WWOX: variants seen among roughly 807,000 people sequenced by gnomAD.
The protein encoded by WWOX is WW domain containing oxidoreductase.
WWOX carries 69 observed loss-of-function variants against 46.2 expected under a neutral mutation model. The ratio of observed to expected loss-of-function variants is 1.49; its 90% confidence interval spans 1.23 to 1.82. The LOEUF (loss-of-function observed/expected upper bound fraction) is 1.82. WWOX is among the 40% of genes most tolerant of loss of function. The probability of loss-of-function intolerance (pLI) is 0.00; values close to 1 mark genes in which losing one functional copy is unlikely to be tolerated. For synonymous variants in WWOX, 359 were observed against 202.6 expected, an observed-to-expected ratio of 1.77 and a Z score of -6.56; for missense variants, 919 against 542.6, an observed-to-expected ratio of 1.69 and a Z score of -6.89.
chr16:78,467,299 C>A (rs1454852689), intron 8 of WWOX, among the ~76,000 whole-genome samples: 1 of 152,028 alleles, frequency 6.6e-6, no homozygotes, highest in African/African-American at 2.4e-5. Flanking sequence ...GATGTATATA[C>A]CCATATACAC....
At chr16:79,050,873 G>A (rs1409571176) in intron 8 of WWOX, among the ~76,000 whole-genome samples, 1 of 152,196 alleles carries the variant, frequency 6.6e-6, no homozygotes, top group Non-Finnish European at 1.5e-5. Flanking sequence ...CAGGTGAGCT[G>A]ACAGTTATCC....
chr16:79,070,529 T>G (rs996737049), intron 8 of WWOX, among the ~76,000 whole-genome samples: 8 of 152,120 alleles, frequency 5.3e-5, no homozygotes, highest in Non-Finnish European at 1.2e-4. Flanking sequence ...CTATCATGAT[T>G]GTACACAGAT....
At position 78,927,091 on chromosome 16, in the gene WWOX, C is replaced by G. The variant is rs192081685; in HGVS notation, c.1057-284517C>G. ...AATTATAGGCATGAGCCACCATGCCCTGCCCAGGCACCATTCTTGACTGCG... is the reference window on the plus strand; with the variant it reads ...AATTATAGGCATGAGCCACCATGCCGTGCCCAGGCACCATTCTTGACTGCG... On this transcript the variant is annotated intron_variant, in intron 8 of 8. Transcript: ENST00000566780. Among the ~76,000 whole-genome samples the G allele has an allele frequency of 5.2e-3, 794 of 152,348 alleles. 8 individuals are homozygous for G. The highest frequency in any genetic ancestry group is 0.018 in the African/African-American group (764 of 41,578).
At chr16:78,504,391 C>G (rs892991500) in intron 8 of WWOX, among the ~76,000 whole-genome samples, 3 of 152,166 alleles carry the variant, frequency 2.0e-5, no homozygotes, top group Admixed American at 6.5e-5. Context: ...TTGTTATGAA[C>G]CAACATTTAT....
intron 8 of WWOX, among the ~76,000 whole-genome samples, chr16:78,846,399 C>T (rs1314983535): frequency 6.6e-6 from 1 of 152,094 alleles, no homozygotes; most frequent in Non-Finnish European, 1.5e-5. Flanking sequence ...TCTCTCCAGT[C>T]CCCTCTGGTC....
At chr16:78,651,084 G>A (rs368150978) in intron 8 of WWOX, among the ~76,000 whole-genome samples, 5 of 152,196 alleles carry the variant, frequency 3.3e-5, no homozygotes, top group Non-Finnish European at 5.9e-5. Context: ...TTGTATTCAC[G>A]AGGAGGTTAG....
At chr16:78,486,708 G>A (rs991658317) in intron 8 of WWOX, among the ~76,000 whole-genome samples, 3 of 152,152 alleles carry the variant, frequency 2.0e-5, no homozygotes, top group South Asian at 2.1e-4. Flanking sequence ...CGCGTAGCTG[G>A]GATTACAGGT....
intron 8 of WWOX, among the ~76,000 whole-genome samples, chr16:78,477,635 TAATA>T (rs1332417321): frequency 6.6e-6 from 1 of 152,186 alleles, no homozygotes; most frequent in African/African-American, 2.4e-5. Context: ...ATTTGATAAT[TAATA>T]GTGAAATCAT....
At position 78,557,899 on chromosome 16, in the gene WWOX, G is replaced by C. The variant is rs547924100; in HGVS notation, c.1056+125147G>C. ...TTTAGTAGAAACAGTGTTTCACCAG[G>C]TTGGCCAGGCTGCTCTCGAACTCCT... is the stretch of plus-strand genomic sequence containing the variant. On this transcript the variant is annotated intron_variant, in intron 8 of 8. Coordinates refer to ENST00000566780, the MANE Select transcript of WWOX (RefSeq NM_016373.4). 2.6e-5 allele frequency among the ~76,000 whole-genome samples: 4 copies of C among 152,026 alleles called. No homozygotes were observed. The South Asian group carries it at 8.3e-4, about 32-fold the overall frequency.
chr16:78,130,684 T>C (rs1002592748), intron 4 of WWOX, among the ~76,000 whole-genome samples: 1 of 152,224 alleles, frequency 6.6e-6, no homozygotes, highest in Admixed American at 6.5e-5. Flanking sequence ...TGTGTGATGA[T>C]ATTGGACTCA....
rs577867450 is a variant in WWOX, at chr16:78,637,601, G to A, written c.1056+204849G>A. 5.3e-5 allele frequency among the ~76,000 whole-genome samples: 8 copies of A among 152,276 alleles called. No homozygotes were observed. In the South Asian group the frequency reaches 1.7e-3, roughly 32 times the overall value. On this transcript the variant is annotated intron_variant, in intron 8 of 8. Coordinates refer to ENST00000566780, the MANE Select transcript of WWOX (RefSeq NM_016373.4). ...ACTACATCCCCTTTCCTTACTCACT[G>A]ACATCATTCCCAGATCAAAGAAAGA...
chr16:78,545,391 T>A (rs539126987), intron 8 of WWOX, among the ~76,000 whole-genome samples: 1 of 152,226 alleles, frequency 6.6e-6, no homozygotes, highest in African/African-American at 2.4e-5. Flanking sequence ...AAAAAAAAAA[T>A]TCTTTTTAAA....
intron 8 of WWOX, among the ~76,000 whole-genome samples, chr16:79,069,346 A>G (rs2048505102): frequency 6.6e-6 from 1 of 152,246 alleles, no homozygotes; most frequent in Admixed American, 6.5e-5. Context: ...TTCCAGCAAA[A>G]GAGCCCAGTG....
At position 78,938,467 on chromosome 16, in the gene WWOX, G is replaced by C. The variant is rs537789513; in HGVS notation, c.1057-273141G>C. On this transcript the variant is annotated intron_variant, in intron 8 of 8. Coordinates refer to ENST00000566780, the MANE Select transcript of WWOX (RefSeq NM_016373.4). ...TGAAACCCTCAAAGGCAAGGGCTCTGTTTCATGAGTTTTCTATCTCCTGCT... is the reference window on the plus strand; with the variant it reads ...TGAAACCCTCAAAGGCAAGGGCTCTCTTTCATGAGTTTTCTATCTCCTGCT... Among the ~76,000 whole-genome samples, 4 of 151,928 alleles carry C rather than the reference G, an allele frequency of 2.6e-5. No homozygotes were observed. The East Asian group carries it at 7.8e-4, about 30-fold the overall frequency.
chr16:78,158,235 A>G (rs922330640), intron 4 of WWOX, among the ~76,000 whole-genome samples: 3 of 152,186 alleles, frequency 2.0e-5, no homozygotes, highest in Admixed American at 1.3e-4. Flanking sequence ...AGATAACGGT[A>G]TGCTGATTTT....
chr16:78,735,851 C>G (rs377459343), intron 8 of WWOX, among the ~76,000 whole-genome samples: 3 of 112,314 alleles, frequency 2.7e-5, no homozygotes, highest in Non-Finnish European at 5.7e-5. Context: ...CCTTTCTGCT[C>G]TCTGCAACAG....
chr16:78,100,795 C>T (rs534239173), intron 1 of WWOX, among the ~76,000 whole-genome samples: 5 of 152,300 alleles, frequency 3.3e-5, no homozygotes, highest in Admixed American at 3.3e-4. Flanking sequence ...CTTGATTGCT[C>T]TTAAGATACG....
At chr16:79,036,246 C>T (rs1395185417) in intron 8 of WWOX, among the ~76,000 whole-genome samples, 1 of 152,338 alleles carries the variant, frequency 6.6e-6, no homozygotes, top group Middle Eastern at 3.4e-3. Flanking sequence ...GTCAACCATG[C>T]CATGGGGCCT....
chr16:78,630,137 G>T (rs974327819), intron 8 of WWOX, among the ~76,000 whole-genome samples: 2 of 151,972 alleles, frequency 1.3e-5, no homozygotes, highest in African/African-American at 4.8e-5. Context: ...AAAAATAATT[G>T]TTGAATGAAT....
Sources: gnomAD v4.1 joint callset for allele counts (sites outside exome capture counted in the v4.1 genomes callset) on GRCh38, gnomAD v4.1.1 for gene constraint, MANE v1.5 for transcripts, NCBI Gene and HGNC (gene_info 2026-07-23, HGNC 2026-07-21) for gene names.